Variants in THAP4 observed in about 807,000 individuals in gnomAD.
THAP4 encodes the protein peroxynitrite isomerase THAP4.
THAP4 carries 18 observed loss-of-function variants against 48.1 expected under a neutral mutation model. That is an observed-to-expected ratio of 0.37 (90% confidence interval 0.26 to 0.56). THAP4 has a LOEUF of 0.56. Among genes scored for constraint, THAP4 ranks in the 20% least tolerant of loss-of-function variants. The probability of loss-of-function intolerance (pLI) is 0.78; values close to 1 mark genes in which losing one functional copy is unlikely to be tolerated. For missense variants in THAP4, 656 were observed against 774.9 expected, an observed-to-expected ratio of 0.85 and a Z score of 1.82; for synonymous variants, 345 against 324.9, an observed-to-expected ratio of 1.06 and a Z score of -0.66.
intron 3 of THAP4, among the ~76,000 whole-genome samples, chr2:241,603,375 GGCTGTTC>G (rs1559223017): frequency 1.6e-4 from 23 of 141,116 alleles, no homozygotes; most frequent in Admixed American, 2.1e-4. Context: ...CCTGAAGACG[GGCTGTTC>G]CAGCCACACC....
chr2:241,604,713 A>T (rs1221163346), intron 3 of THAP4, among the ~76,000 whole-genome samples: 2 of 152,036 alleles, frequency 1.3e-5, no homozygotes, highest in African/African-American at 4.8e-5. Flanking sequence ...CCTGGCCAAG[A>T]TAAACTTATT....
chr2:241,587,961 C>G (rs1014758822), intron 5 of THAP4, among the ~76,000 whole-genome samples: 6 of 146,994 alleles, frequency 4.1e-5, no homozygotes, highest in Non-Finnish European at 9.0e-5. Context: ...TCTACTCCAG[C>G]CTGGGCAACA....
At chr2:241,627,237 T>C (rs1201983078) in intron 2 of THAP4, among the ~76,000 whole-genome samples, 1 of 152,212 alleles carries the variant, frequency 6.6e-6, no homozygotes, top group African/African-American at 2.4e-5. Context: ...TGTACTTGGA[T>C]TTTGACAATC....
intron 5 of THAP4, among the ~76,000 whole-genome samples, chr2:241,590,851 G>T (rs2066965027): frequency 6.8e-6 from 1 of 147,360 alleles, no homozygotes. Flanking sequence ...TGACGATAAT[G>T]GGCACTAGGA....
rs1036332233 is a variant in THAP4 at position 241,610,849 on chromosome 2, G to A, written c.1241-4376C>T. On this transcript the variant is annotated intron_variant, in intron 2 of 5. Coordinates refer to ENST00000407315, the MANE Select transcript of THAP4 (RefSeq NM_015963.6). The surrounding 1 kb of genome is among the most constrained non-coding windows in gnomAD (Gnocchi z 4.2). Reference sequence around the variant, plus strand: ...ACAGAGACACAGAGACAGAGAGACAGGGCCAGAGAGACACGGGGATGGGGC... The same window carrying A: ...ACAGAGACACAGAGACAGAGAGACAAGGCCAGAGAGACACGGGGATGGGGC... Among the ~76,000 whole-genome samples, 6 of 151,982 alleles carry A rather than the reference G, an allele frequency of 3.9e-5. No individual in the cohort carries two copies. The highest frequency in any genetic ancestry group is 8.8e-5 in the Non-Finnish European group (6 of 68,004).
chr2:241,588,016 A>G (rs560722308), intron 5 of THAP4, among the ~76,000 whole-genome samples: 3 of 151,320 alleles, frequency 2.0e-5, no homozygotes, highest in East Asian at 3.9e-4. Flanking sequence ...AAAAGGAGAG[A>G]AAAGAAGGAA....
chr2:241,585,802 A>C (rs1324313755), intron 5 of THAP4, among the ~76,000 whole-genome samples: 2 of 151,178 alleles, frequency 1.3e-5, no homozygotes, highest in Non-Finnish European at 2.9e-5. Context: ...AGTCCCAGCT[A>C]CTCGGGAAGT....
chr2:241,633,565 C>T lies in THAP4; in HGVS notation c.592G>A (p.Gly198Ser). Residue 198 changes from glycine to serine, a missense_variant, in exon 2 of 6, where the codon GGC (glycine) becomes AGC (serine). Transcript: ENST00000407315. The surrounding 1 kb of genome is among the most constrained non-coding windows in gnomAD (Gnocchi z 7.5). Reference protein sequence around the residue: ...GKAEASATDAGDESATSSIEG... With the variant: ...GKAEASATDASDESATSSIEG... ...ATGGAGGAAGTGGCGCTCTCATCGC[C>T]AGCATCTGTGGCAGACGCTTCTGCT... is the stretch of plus-strand genomic sequence containing the variant. 6.2e-7 allele frequency: 1 copy of T among 1,613,838 alleles called. No individual in the cohort carries two copies. The highest frequency in any genetic ancestry group is 8.5e-7 in the Non-Finnish European group (1 of 1,179,908).
intron 2 of THAP4, among the ~76,000 whole-genome samples, chr2:241,627,164 C>T (rs547024839): frequency 6.3e-4 from 96 of 152,328 alleles, no homozygotes; most frequent in Non-Finnish European, 9.8e-4. Flanking sequence ...TCTCAAGTTA[C>T]GAACCAATAC....
chr2:241,599,636 C>T (rs1224757902), intron 5 of THAP4, among the ~76,000 whole-genome samples: 2 of 152,030 alleles, frequency 1.3e-5, no homozygotes, highest in African/African-American at 4.8e-5. Flanking sequence ...AAAACATGAC[C>T]TAAAGTCACC....
At chr2:241,606,646 AG>A (rs2067187715) in intron 2 of THAP4, among the ~76,000 whole-genome samples, 173 bp from the exon 3 acceptor site, 1 of 152,220 alleles carries the variant, frequency 6.6e-6, no homozygotes, top group Non-Finnish European at 1.5e-5. Context: ...TCATAGTGAA[AG>A]ATCCAGCTTC....
chr2:241,588,646 T>G (rs1164212710), intron 5 of THAP4, among the ~76,000 whole-genome samples: 1 of 152,224 alleles, frequency 6.6e-6, no homozygotes, highest in Non-Finnish European at 1.5e-5. Context: ...GAGTTGATTT[T>G]CGACAAAAGC....
rs1293000715 is a variant in THAP4 at position 241,601,192 on chromosome 2, C to T, written c.1614+704G>A. 1.3e-5 allele frequency among the ~76,000 whole-genome samples: 2 copies of T among 152,192 alleles called. No homozygotes were observed. The highest frequency in any genetic ancestry group is 3.9e-4 in the East Asian group (2 of 5,194). ...ACCCAGGAGGCCGAGGCAGGAGAAT[C>T]GCTTGAACCTGAGAGGCGGTGGTTG... On this transcript the variant is annotated intron_variant, in intron 5 of 5. Transcript: ENST00000407315. The surrounding 1 kb of genome is among the most constrained non-coding windows in gnomAD (Gnocchi z 4.0).
intron 2 of THAP4, among the ~76,000 whole-genome samples, chr2:241,607,718 A>G (rs35502481): frequency 0.32 from 40,969 of 127,574 alleles, 6,675 homozygotes; most frequent in South Asian, 0.44. Context: ...TGACGGGGAC[A>G]GGATCAGGAC....
In THAP4 at chr2:241,584,473, C is replaced by T; in HGVS notation, c.*133G>A. ...TGGTTTTTCTATGCCAGTACAGAAA[C>T]ATCTGGACAACACTCTTGAGCCTGC... On this transcript the variant is annotated 3_prime_UTR_variant, in exon 6 of 6. Transcript: ENST00000407315. The T allele has an allele frequency of 1.0e-6, 1 of 955,344 alleles. No individual in the cohort carries two copies. The highest frequency in any genetic ancestry group is 2.4e-5 in the East Asian group (1 of 41,458). 59.2% of individuals were successfully genotyped at this position (955,344 alleles called of 1,614,324 possible).
chr2:241,599,713 T>G (rs971517281), intron 5 of THAP4, among the ~76,000 whole-genome samples: 1 of 152,198 alleles, frequency 6.6e-6, no homozygotes, highest in Admixed American at 6.5e-5. Context: ...AATTCATTCA[T>G]GTATTCAATG....
intron 5 of THAP4, among the ~76,000 whole-genome samples, chr2:241,597,430 A>C (rs1415313984): frequency 6.6e-6 from 1 of 152,182 alleles, no homozygotes; most frequent in East Asian, 1.9e-4. Flanking sequence ...CACTGCGCCC[A>C]GCTGGAAAAC....
intron 2 of THAP4, among the ~76,000 whole-genome samples, chr2:241,629,882 C>G (rs2067536077): frequency 6.6e-6 from 1 of 151,766 alleles, no homozygotes. Context: ...TGACAAGAAG[C>G]TAGGGAACGC....
intron 2 of THAP4, among the ~76,000 whole-genome samples, chr2:241,625,797 CAAAAAAAA>C (rs147602587): frequency 5.4e-4 from 27 of 50,164 alleles, no homozygotes; most frequent in South Asian, 2.2e-3. Flanking sequence ...GACTCCGTCT[CAAAAAAAA>C]AAAAAAAAAA....
Sources: gnomAD v4.1 joint callset for allele counts (sites outside exome capture counted in the v4.1 genomes callset) on GRCh38, gnomAD v4.1.1 for gene constraint, Gnocchi (gnomAD v3.1) non-coding constraint, MANE v1.5 for transcripts, NCBI Gene and HGNC (gene_info 2026-07-23, HGNC 2026-07-21) for gene names.